The following FRY variants were observed in gnomAD, a reference collection of about 807,000 sequenced individuals.
FRY encodes the protein protein furry homolog.
Under a neutral mutation model 348.4 loss-of-function variants are expected in FRY, and 128 were observed. The ratio of observed to expected loss-of-function variants is 0.37; its 90% CI spans 0.32 to 0.43. The LOEUF is 0.43. Among genes scored for constraint, FRY ranks in the 20% least tolerant of loss-of-function variants. FRY has a pLI of 1.00. For synonymous variants in FRY, 1,370 were observed against 1,374.7 expected, an observed-to-expected ratio of 1.00 and a Z score of 0.08; for missense variants, 2,736 against 3,695.2, an observed-to-expected ratio of 0.74 and a Z score of 6.73.
At chr13:32,158,594 C>A (rs1218396004) in intron 16 of FRY, among the ~76,000 whole-genome samples, 3 of 152,134 alleles carry the variant, frequency 2.0e-5, no homozygotes, top group African/African-American at 4.8e-5. Flanking sequence ...TATATTAAAG[C>A]CATTTTCAAT....
chr13:32,225,520 A>T (rs1442793135), intron 38 of FRY, among the ~76,000 whole-genome samples: 6 of 152,230 alleles, frequency 3.9e-5, no homozygotes, highest in African/African-American at 1.4e-4. Context: ...AGAACATCTC[A>T]AGAAGAAGGA....
chr13:32,209,121 G>A lies in FRY; in HGVS notation c.4275+12G>A, dbSNP rs775327085. The A allele has an allele frequency of 2.5e-5, 40 of 1,613,800 alleles. No individual in the cohort carries two copies. The Middle Eastern group carries it at 9.9e-4, about 40-fold the overall frequency. ...ACATGACGGCCAAGGTAAACTCAGA[G>A]GAATTGTGCTTCAAATAGCATGGCT... On this transcript the variant is annotated intron_variant, in intron 32 of 60. Coordinates refer to ENST00000542859, the MANE Select transcript of FRY (RefSeq NM_023037.3).
intron 1 of FRY, among the ~76,000 whole-genome samples, chr13:32,061,852 A>G (rs1023374916): frequency 6.6e-6 from 1 of 152,224 alleles, no homozygotes; most frequent in East Asian, 1.9e-4. Flanking sequence ...TTTCCAAAAA[A>G]CTAGTGAGAG....
Position 32,200,802 on chromosome 13 carries a change from C to G in FRY, c.3747-1139C>G, listed in dbSNP as rs116386654. 3.4e-3 allele frequency among the ~76,000 whole-genome samples: 523 copies of G among 152,316 alleles called. 2 individuals carry two copies. The highest frequency in any genetic ancestry group is 0.012 in the African/African-American group (494 of 41,568). Reference sequence around the variant, plus strand: ...ATTCTGTGTTCCTCTCCCCCCATCCCACACATGCTGTCAGTTACCAAATCC... The same window carrying G: ...ATTCTGTGTTCCTCTCCCCCCATCCGACACATGCTGTCAGTTACCAAATCC... On this transcript the variant is annotated intron_variant, in intron 29 of 60. Coordinates refer to ENST00000542859, the MANE Select transcript of FRY (RefSeq NM_023037.3).
intron 1 of FRY, among the ~76,000 whole-genome samples, chr13:32,055,194 A>G (rs1033451667): frequency 7.2e-5 from 11 of 151,864 alleles, no homozygotes; most frequent in African/African-American, 9.7e-5. Flanking sequence ...ACAGGTGCAT[A>G]CTACCATGCC....
intron 2 of FRY, among the ~76,000 whole-genome samples, chr13:32,088,161 T>C (rs1876012157): frequency 6.6e-6 from 1 of 152,194 alleles, no homozygotes; most frequent in Admixed American, 6.5e-5. Flanking sequence ...GCTAGTCTTG[T>C]TGGTCAAACT....
intron 10 of FRY, among the ~76,000 whole-genome samples, chr13:32,135,756 G>C (rs181985559): frequency 6.6e-6 from 1 of 152,168 alleles, no homozygotes; most frequent in Non-Finnish European, 1.5e-5. Flanking sequence ...ATGAATCGGC[G>C]AGTGATGTAA....
At chr13:32,099,483 A>G (rs1877008119) in intron 2 of FRY, among the ~76,000 whole-genome samples, 1 of 151,936 alleles carries the variant, frequency 6.6e-6, no homozygotes, top group Non-Finnish European at 1.5e-5. Context: ...TTATTCTATA[A>G]TTAAAAATTC....
chr13:32,174,141 C>G (rs980440637), intron 19 of FRY, among the ~76,000 whole-genome samples: 1 of 152,198 alleles, frequency 6.6e-6, no homozygotes, highest in Non-Finnish European at 1.5e-5. Flanking sequence ...GTGGCCAAAC[C>G]AAATGCATAA....
rs1208593686 is a variant in FRY at position 32,265,440 on chromosome 13, A to G, written c.7780-10A>G. The G allele has an allele frequency of 1.2e-6, 2 of 1,613,912 alleles. No individual in the cohort carries two copies. Among genetic ancestry groups the G allele is most frequent in the South Asian group, 2.2e-5 (2 of 91,084 alleles). ...CATTGGGGGATTCTTTTGTCTTTTT[A>G]TTCTTCCAGGCTGAAGCTGTTCGTG... On this transcript the variant is annotated splice_polypyrimidine_tract_variant and intron_variant, in intron 53 of 60. Coordinates refer to ENST00000542859, the MANE Select transcript of FRY (RefSeq NM_023037.3).
rs1887862704 is a variant in FRY, at chr13:32,265,381, T to A, written c.7780-69T>A. The A allele has an allele frequency of 1.4e-5, 20 of 1,428,104 alleles. No individual in the cohort carries two copies. In the South Asian group the frequency reaches 2.1e-4, roughly 15 times the overall value. 88.5% of individuals were successfully genotyped at this position (1,428,104 alleles called of 1,614,324 possible). On this transcript the variant is annotated intron_variant, in intron 53 of 60. Coordinates refer to ENST00000542859, the MANE Select transcript of FRY (RefSeq NM_023037.3). ...ATTTCAGTCTCTCTTATTTGTTCCT[T>A]AGTTGAACAGGTTGTCCTGTATGTT...
chr13:32,278,634 GA>G, intron 58 of FRY, 86 bp downstream of exon 58: 1 of 808,722 alleles, frequency 1.2e-6, no homozygotes, highest in Non-Finnish European at 2.2e-6. Flanking sequence ...TGGAACTTGA[GA>G]AAAGAAGAGG....
chr13:32,253,177 C>G (rs148800456), intron 50 of FRY, among the ~76,000 whole-genome samples: 2 of 152,324 alleles, frequency 1.3e-5, no homozygotes, highest in East Asian at 3.9e-4. Context: ...AATCTCATGT[C>G]TCGTCTCTCA....
chr13:32,122,207 G>A (rs1878701794), intron 4 of FRY, among the ~76,000 whole-genome samples: 1 of 152,182 alleles, frequency 6.6e-6, no homozygotes, highest in African/African-American at 2.4e-5. Flanking sequence ...ACTTTGGGAG[G>A]CCGAGGTGGG....
intron 38 of FRY, among the ~76,000 whole-genome samples, chr13:32,225,256 T>C (rs991769705): frequency 3.3e-5 from 5 of 152,246 alleles, no homozygotes; most frequent in African/African-American, 9.6e-5. Flanking sequence ...TACAGTGGTT[T>C]CTCACTAGTG....
intron 7 of FRY, among the ~76,000 whole-genome samples, chr13:32,125,257 G>A (rs1392032817): frequency 6.6e-6 from 1 of 152,190 alleles, no homozygotes; most frequent in Non-Finnish European, 1.5e-5. Context: ...ATTCTAGAAT[G>A]TCCCCTTTAC....
chr13:32,034,191 A>G (rs530913429), intron 1 of FRY, among the ~76,000 whole-genome samples: 1 of 152,248 alleles, frequency 6.6e-6, no homozygotes, highest in African/African-American at 2.4e-5. Flanking sequence ...AATAAAACAA[A>G]CTCTATAACT....
chr13:32,199,639 C>G (rs1339931490), intron 29 of FRY, among the ~76,000 whole-genome samples: 2 of 152,252 alleles, frequency 1.3e-5, no homozygotes, highest in Non-Finnish European at 2.9e-5. Context: ...GCAACACCAA[C>G]TTGCAGCCCT....
At chr13:32,058,775 TG>T (rs1873774887) in intron 1 of FRY, among the ~76,000 whole-genome samples, 1 of 152,018 alleles carries the variant, frequency 6.6e-6, no homozygotes, top group Non-Finnish European at 1.5e-5. Flanking sequence ...GCAGGATATC[TG>T]GGTAAAAAAA....
Sources: allele counts gnomAD v4.1 joint callset (sites outside exome capture counted in the v4.1 genomes callset), GRCh38; gene constraint gnomAD v4.1.1; transcripts MANE v1.5; gene names NCBI Gene and HGNC (gene_info 2026-07-23, HGNC 2026-07-21).